The following SNF8 variants were observed in gnomAD, a reference collection of about 807,000 sequenced individuals.
The protein encoded by SNF8 is vacuolar-sorting protein SNF8.
A neutral mutation model predicts 36.8 loss-of-function variants in SNF8; 19 were observed. That is an observed-to-expected ratio of 0.52 (90% CI 0.36 to 0.76). The LOEUF (loss-of-function observed/expected upper bound fraction) is 0.76, where lower values mean the gene tolerates loss of function less well. Among genes scored for constraint, SNF8 ranks in the 30% least tolerant of loss-of-function variants. SNF8 has a pLI of 0.00. For synonymous variants in SNF8, 127 were observed against 127.4 expected, an observed-to-expected ratio of 1.00 and a Z score of 0.02; for missense variants, 268 against 322.9, an observed-to-expected ratio of 0.83 and a Z score of 1.30.
intron 4 of SNF8, chr17:48,936,790 G>T: frequency 1.7e-6 from 1 of 579,576 alleles, no homozygotes; most frequent in Non-Finnish European, 3.1e-6. Context: ...ACTGACTAGG[G>T]ACTAGACCTT....
chr17:48,933,542 G>T, intron 5 of SNF8, 196 bp from the exon 6 acceptor site: 1 of 600,412 alleles, frequency 1.7e-6, no homozygotes. Context: ...AGGGGTTAGA[G>T]ACCAGCCTGG....
rs1437998342 is a variant in SNF8 at position 48,939,458 on chromosome 17, C to T, written c.244+1466G>A. On this transcript the variant is annotated intron_variant, in intron 3 of 7. Coordinates refer to ENST00000502492, the MANE Select transcript of SNF8 (RefSeq NM_007241.4). Reference sequence around the variant, plus strand: ...CTAAAAAATAATAAATTAGTAATTTCTTTTTTTTTTTTTTTTGGGGGGATG... The same window carrying T: ...CTAAAAAATAATAAATTAGTAATTTTTTTTTTTTTTTTTTTTGGGGGGATG... 1.4e-4 allele frequency among the ~76,000 whole-genome samples: 18 copies of T among 132,680 alleles called. 1 individual carries two copies. Among genetic ancestry groups the T allele is most frequent in the Non-Finnish European group, 1.4e-4 (9 of 62,404 alleles). 87.0% of individuals were successfully genotyped at this position (132,680 alleles called of 152,430 possible).
intron 6 of SNF8, 57 bp from the exon 7 acceptor site, chr17:48,931,774 C>A: frequency 1.5e-6 from 2 of 1,364,716 alleles, no homozygotes; most frequent in Non-Finnish European, 2.1e-6. Flanking sequence ...CCCTTAGAAC[C>A]CAGGATCTGC....
In SNF8 at chr17:48,930,595, T is replaced by G; in HGVS notation, c.657A>C (p.Glu219Asp). The change falls in exon 8 of 8, where the codon GAA (glutamate) becomes GAC (aspartate). Residue 219 changes from glutamate (E) to aspartate (D), a missense_variant. Glu to Asp is a conservative substitution (Grantham distance 45). Coordinates refer to ENST00000502492, the MANE Select transcript of SNF8 (RefSeq NM_007241.4). ...ARQVLEHLLK[E>D]GLAWLDLQAP... ...CCTGTAAGTCCAGCCACGCCAACCCTTCCTTCAGCAGGTGTTCCTGGAGGG... is the reference window on the plus strand; with the variant it reads ...CCTGTAAGTCCAGCCACGCCAACCCGTCCTTCAGCAGGTGTTCCTGGAGGG... 2.5e-6 allele frequency: 4 copies of G among 1,613,642 alleles called. No homozygotes were observed. The highest frequency in any genetic ancestry group is 3.4e-6 in the Non-Finnish European group (4 of 1,179,806).
At chr17:48,933,603 T>C in intron 5 of SNF8, 1 of 421,838 alleles carries the variant, frequency 2.4e-6, no homozygotes, top group East Asian at 4.4e-5. Flanking sequence ...TAGCAGGGCA[T>C]GGTGGCAATC....
At position 48,930,624 on chromosome 17, in the gene SNF8, AGGG is replaced by A; in HGVS notation, c.640-15_640-13del. 2 of 1,611,524 alleles carry A rather than the reference AGGG, an allele frequency of 1.2e-6. No individual in the cohort carries two copies. Among genetic ancestry groups the A allele is most frequent in the South Asian group, 2.2e-5 (2 of 90,884 alleles). Reference sequence around the variant, plus strand: ...TTCAGCAGGTGTTCCTGGAGGGAAAAGGGAAGAAGAGCAGTTTGAGAACAGGGA... The same window carrying A: ...TTCAGCAGGTGTTCCTGGAGGGAAAAAAGAAGAGCAGTTTGAGAACAGGGA... On this transcript the variant is annotated splice_polypyrimidine_tract_variant and intron_variant, in intron 7 of 7. Transcript: ENST00000502492.
chr17:48,933,172 T>TGC (rs779834005), intron 6 of SNF8, 33 bp downstream of exon 6: 6 of 1,608,056 alleles, frequency 3.7e-6, no homozygotes, highest in African/African-American at 1.3e-5. Context: ...GACTGTCCCT[T>TGC]GCACACACAC....
At chr17:48,931,979 G>A (rs1225495946) in intron 6 of SNF8, 5 of 271,444 alleles carry the variant, frequency 1.8e-5, no homozygotes, top group African/African-American at 9.0e-5. Flanking sequence ...GCACTTTTTG[G>A]GAGGCCGAGG....
At chr17:48,933,596 C>T (rs1298037500) in intron 5 of SNF8, 1 of 440,136 alleles carries the variant, frequency 2.3e-6, no homozygotes, top group Admixed American at 3.5e-5. Flanking sequence ...AAAAAATTAG[C>T]AGGGCATGGT....
intron 1 of SNF8, 52 bp from the exon 2 acceptor site, chr17:48,944,027 G>A: frequency 6.4e-7 from 1 of 1,570,108 alleles, no homozygotes; most frequent in Non-Finnish European, 8.8e-7. Flanking sequence ...CTGGAGGCCA[G>A]GCGCGGTGGC....
chr17:48,940,833 G>T, intron 3 of SNF8, 91 bp downstream of exon 3: 1 of 1,445,244 alleles, frequency 6.9e-7, no homozygotes, highest in South Asian at 1.3e-5. Flanking sequence ...CCTTTCTAGT[G>T]GATGCCCCAA....
intron 6 of SNF8, chr17:48,931,954 A>T: frequency 5.3e-6 from 2 of 374,082 alleles, no homozygotes; most frequent in South Asian, 3.9e-5. Context: ...ACGGCAGCTC[A>T]TGCCTGTAAT....
At chr17:48,932,963 A>G in intron 6 of SNF8, 1 of 413,590 alleles carries the variant, frequency 2.4e-6, no homozygotes, top group South Asian at 6.7e-5. Flanking sequence ...CTACCTGACT[A>G]GACTGTAAGC....
chr17:48,943,710 CA>C (rs1245704130), intron 2 of SNF8, among the ~76,000 whole-genome samples: 2 of 152,260 alleles, frequency 1.3e-5, no homozygotes, highest in Non-Finnish European at 1.5e-5. Context: ...AGAAAATAGA[CA>C]AATGCCTGGG....
At chr17:48,943,882 G>A in intron 2 of SNF8, 43 bp downstream of exon 2, 3 of 1,562,432 alleles carry the variant, frequency 1.9e-6, no homozygotes, top group Non-Finnish European at 2.6e-6. Flanking sequence ...GGCCAGACCT[G>A]GTTAGGTCTC....
intron 3 of SNF8, among the ~76,000 whole-genome samples, chr17:48,939,522 C>T (rs2040989601): frequency 1.4e-5 from 2 of 145,844 alleles, no homozygotes; most frequent in African/African-American, 5.0e-5. Flanking sequence ...TGCAGGGGCG[C>T]GACCTTGGCT....
chr17:48,942,303 C>G (rs1185291878), intron 2 of SNF8, among the ~76,000 whole-genome samples: 1 of 150,186 alleles, frequency 6.7e-6, no homozygotes, highest in Non-Finnish European at 1.5e-5. Flanking sequence ...CGCCACTGCA[C>G]TCCAGCCTGG....
At chr17:48,936,346 T>G in intron 4 of SNF8, 104 bp from the exon 5 acceptor site, 1 of 806,566 alleles carries the variant, frequency 1.2e-6, no homozygotes, top group Non-Finnish European at 2.0e-6. Flanking sequence ...AATAACATTC[T>G]AGTTCCTAAT....
rs368306584 is a variant in SNF8, at chr17:48,931,612, G to A, written c.639+31C>T. On this transcript the variant is annotated intron_variant, in intron 7 of 7. Transcript: ENST00000502492. ...ACATCCTCCCAACTGGGGCCTGCCT[G>A]TCTTTTCTGGACTGTTCCAAAGTTG... The A allele has an allele frequency of 2.0e-5, 31 of 1,584,106 alleles. No individual in the cohort carries two copies. In the African/African-American group the frequency reaches 3.9e-4, roughly 20 times the overall value.
Sources: allele counts gnomAD v4.1 joint callset (sites outside exome capture counted in the v4.1 genomes callset), GRCh38; gene constraint gnomAD v4.1.1; transcripts MANE v1.5; gene names NCBI Gene and HGNC (gene_info 2026-07-23, HGNC 2026-07-21).